The following PCDH15 variants were observed in gnomAD, a reference collection of about 807,000 sequenced individuals.
PCDH15 encodes protocadherin-15.
A neutral mutation model predicts 178.5 loss-of-function variants in PCDH15; 129 were observed. That is an observed-to-expected ratio of 0.72 (90% CI 0.63 to 0.84). PCDH15 has a LOEUF of 0.84. Among genes scored for constraint, PCDH15 ranks in the 40% least tolerant of loss-of-function variants. PCDH15 has a pLI of 0.00. For synonymous variants in PCDH15, 800 were observed against 732.0 expected (o/e 1.09, Z -1.50); for missense variants, 2,230 against 2,099.9 (o/e 1.06, Z -1.21).
At chr10:54,761,441 G>C (rs1022322042) in intron 1 of PCDH15, among the ~76,000 whole-genome samples, 1 of 151,982 alleles carries the variant, frequency 6.6e-6, no homozygotes, top group Admixed American at 6.6e-5. Flanking sequence ...CAGAACTTGC[G>C]GGGGCCAAGA....
intron 1 of PCDH15, among the ~76,000 whole-genome samples, chr10:54,748,908 G>C (rs1383236626): frequency 2.0e-5 from 3 of 152,130 alleles, no homozygotes; most frequent in African/African-American, 4.8e-5. Context: ...CAGTGGATTT[G>C]TTTGTATATT....
intron 3 of PCDH15, among the ~76,000 whole-genome samples, chr10:54,843,557 T>C (rs554879145): frequency 6.6e-6 from 1 of 152,150 alleles, no homozygotes; most frequent in African/African-American, 2.4e-5. Flanking sequence ...AAGATTTTGC[T>C]TGTCGACTTT....
At position 53,964,563 on chromosome 10, in the gene PCDH15, A is replaced by G. The variant is rs1255408668; in HGVS notation, c.2869-2671T>C. ...TAAATAAGTGAATGGATAACCACAC[A>G]TCAAGGGTGCCCAGACACTTCAACT... On this transcript the variant is annotated intron_variant, in intron 21 of 37. Transcript: ENST00000644397. Among the ~76,000 whole-genome samples, 3 of 145,366 alleles carry G rather than the reference A, an allele frequency of 2.1e-5. No individual in the cohort carries two copies. The East Asian group carries it at 6.2e-4, about 30-fold the overall frequency.
intron 2 of PCDH15, among the ~76,000 whole-genome samples, chr10:55,139,400 A>G (rs1394050346): frequency 1.3e-5 from 2 of 152,002 alleles, no homozygotes; most frequent in Non-Finnish European, 2.9e-5. Context: ...ATTTTCTTAA[A>G]GTCTTATAGT....
At chr10:55,479,208 A>G (rs1206140888) in intron 2 of PCDH15, among the ~76,000 whole-genome samples, 2 of 151,622 alleles carry the variant, frequency 1.3e-5, no homozygotes, top group African/African-American at 2.4e-5. Flanking sequence ...CTTCAGACAA[A>G]TAAACCTGAT....
At chr10:54,808,866 A>T (rs1207297585) in intron 3 of PCDH15, among the ~76,000 whole-genome samples, 1 of 152,092 alleles carries the variant, frequency 6.6e-6, no homozygotes, top group Non-Finnish European at 1.5e-5. Context: ...CTTCCAAGAC[A>T]CATTATATCT....
chr10:54,687,277 C>G (rs1315646174), intron 1 of PCDH15, among the ~76,000 whole-genome samples: 1 of 152,020 alleles, frequency 6.6e-6, no homozygotes, highest in Non-Finnish European at 1.5e-5. Context: ...AATGGAACTA[C>G]CATATGATTC....
intron 1 of PCDH15, among the ~76,000 whole-genome samples, chr10:55,250,768 C>T (rs894695179): frequency 1.3e-5 from 2 of 151,548 alleles, no homozygotes; most frequent in Admixed American, 1.3e-4. Context: ...AACTCCTGAC[C>T]TCGTGATCCA....
chr10:55,083,729 A>G (rs1842098670), intron 2 of PCDH15, among the ~76,000 whole-genome samples: 1 of 151,968 alleles, frequency 6.6e-6, no homozygotes, highest in Non-Finnish European at 1.5e-5. Context: ...GTTGTAGGGT[A>G]CAAAATTAAT....
chr10:55,470,951 T>G (rs1022055535), intron 2 of PCDH15, among the ~76,000 whole-genome samples: 1 of 152,152 alleles, frequency 6.6e-6, no homozygotes, highest in African/African-American at 2.4e-5. Context: ...CACTTTGTAA[T>G]ATGTATTTAA....
chr10:54,788,029 G>A (rs1461755254), intron 1 of PCDH15, among the ~76,000 whole-genome samples: 4 of 151,740 alleles, frequency 2.6e-5, no homozygotes, highest in African/African-American at 9.7e-5. Context: ...AAAGAAGAGA[G>A]GCACAGGAAG....
intron 26 of PCDH15, among the ~76,000 whole-genome samples, chr10:53,901,871 T>C (rs933981389): frequency 5.3e-5 from 8 of 152,330 alleles, no homozygotes; most frequent in Admixed American, 2.0e-4. Flanking sequence ...ACCACTCTCA[T>C]TCTTCCCTTA....
At chr10:54,802,179 T>C (rs148759096), upstream of PCDH15, among the ~76,000 whole-genome samples, 1 of 152,258 alleles carries the variant, frequency 6.6e-6, no homozygotes, top group East Asian at 1.9e-4. Flanking sequence ...ATGTGGATTA[T>C]TTACTAGGAT....
chr10:54,427,702 C>T (rs1306504151), intron 3 of PCDH15, among the ~76,000 whole-genome samples: 2 of 151,984 alleles, frequency 1.3e-5, no homozygotes, highest in Non-Finnish European at 2.9e-5. Flanking sequence ...TTTTCTTTTA[C>T]AATAAAAAGG....
At chr10:54,517,516 C>T (rs1037199717) in intron 3 of PCDH15, among the ~76,000 whole-genome samples, 5 of 151,996 alleles carry the variant, frequency 3.3e-5, no homozygotes, top group African/African-American at 4.8e-5. Context: ...GCTAACTATC[C>T]TAAATATATA....
At chr10:55,124,301 G>A (rs1177822660) in intron 2 of PCDH15, among the ~76,000 whole-genome samples, 1 of 152,098 alleles carries the variant, frequency 6.6e-6, no homozygotes, top group Non-Finnish European at 1.5e-5. Flanking sequence ...ATATTCTAGA[G>A]CTCTCTGAGG....
intron 7 of PCDH15, among the ~76,000 whole-genome samples, chr10:54,319,543 G>C (rs908579998): frequency 3.9e-5 from 6 of 152,140 alleles, no homozygotes; most frequent in Admixed American, 6.6e-5. Flanking sequence ...TGCATGAGTG[G>C]TGCCAGCTCT....
chr10:54,541,003 A>G (rs1375669458), intron 2 of PCDH15, among the ~76,000 whole-genome samples: 1 of 152,162 alleles, frequency 6.6e-6, no homozygotes, highest in African/African-American at 2.4e-5. Flanking sequence ...TCAAGGGAAC[A>G]TATCTCAAAA....
chr10:54,112,331 A>G (rs979749093), intron 15 of PCDH15, among the ~76,000 whole-genome samples: 1 of 151,824 alleles, frequency 6.6e-6, no homozygotes, highest in Non-Finnish European at 1.5e-5. Context: ...TCTATCCCTT[A>G]GTTGTCAGTA....
Sources: gnomAD v4.1 joint callset for allele counts (sites outside exome capture counted in the v4.1 genomes callset) on GRCh38, gnomAD v4.1.1 for gene constraint, MANE v1.5 for transcripts, NCBI Gene and HGNC (gene_info 2026-07-23, HGNC 2026-07-21) for gene names.